DOCK7: variants seen among roughly 807,000 people sequenced by gnomAD.
The protein encoded by DOCK7 is dedicator of cytokinesis 7.
In DOCK7, 138 loss-of-function variants were observed where a neutral mutation model predicts 271.0. The observed-to-expected ratio is 0.51, with a 90% CI of 0.44 to 0.59. DOCK7 has a LOEUF of 0.59. Ranked by LOEUF, DOCK7 falls within the 20% of genes least tolerant of loss-of-function variation. DOCK7 has a pLI of 0.00. For missense variants in DOCK7, 2,066 were observed against 2,592.4 expected (o/e 0.80, Z 4.41); for synonymous variants, 823 against 876.1 (o/e 0.94, Z 1.07).
intron 31 of DOCK7, among the ~76,000 whole-genome samples, chr1:62,527,216 G>C (rs1234072273): frequency 6.6e-6 from 1 of 151,942 alleles, no homozygotes; most frequent in Non-Finnish European, 1.5e-5. Context: ...GCCTTTAAGA[G>C]GGGAAAAGTT....
intron 43 of DOCK7, chr1:62,485,608 CT>C (rs1161278473): frequency 3.0e-6 from 3 of 985,148 alleles, no homozygotes; most frequent in African/African-American, 1.7e-5. Context: ...AACAAAATTA[CT>C]GAAGTTTTCA....
chr1:62,470,084 AAAG>A (rs1366819517), intron 48 of DOCK7, among the ~76,000 whole-genome samples: 1 of 152,210 alleles, frequency 6.6e-6, no homozygotes, highest in Non-Finnish European at 1.5e-5. Context: ...AAATGGAAGA[AAAG>A]AAGTCATTTC....
intron 1 of DOCK7, among the ~76,000 whole-genome samples, chr1:62,665,217 C>G (rs1168106): frequency 0.98 from 149,771 of 152,120 alleles, 73,774 homozygotes; most frequent in Middle Eastern, 1. Flanking sequence ...TCGAACTCCT[C>G]ACCTCAGGTG....
intron 4 of DOCK7, 65 bp downstream of exon 4, chr1:62,653,660 C>A: frequency 9.6e-7 from 1 of 1,037,938 alleles, no homozygotes; most frequent in South Asian, 1.4e-5. Flanking sequence ...CATTACGAAT[C>A]TGCCTTAATC....
chr1:62,470,173 G>A (rs1395034755), intron 48 of DOCK7, among the ~76,000 whole-genome samples: 1 of 152,132 alleles, frequency 6.6e-6, no homozygotes, highest in African/African-American at 2.4e-5. Flanking sequence ...TGGCCCAAAT[G>A]CCCATTAATC....
At chr1:62,476,950 A>G (rs2149261517) in intron 44 of DOCK7, 1 of 152,342 alleles carries the variant, frequency 6.6e-6, no homozygotes, top group Admixed American at 6.5e-5. Flanking sequence ...AGAAATTAAC[A>G]TCAGTGAGAA....
At chr1:62,622,281 G>A (rs947786806) in intron 12 of DOCK7, among the ~76,000 whole-genome samples, 5 of 152,148 alleles carry the variant, frequency 3.3e-5, no homozygotes, top group Non-Finnish European at 5.9e-5. Flanking sequence ...CACTGGAGTA[G>A]TCTAGCTGAT....
chr1:62,520,462 G>T (rs1644812684), intron 31 of DOCK7, among the ~76,000 whole-genome samples: 1 of 96,368 alleles, frequency 1.0e-5, no homozygotes, highest in African/African-American at 4.4e-5. Flanking sequence ...CTTCTCAAAA[G>T]AAGACATTTA....
chr1:62,577,311 G>T lies in DOCK7; in HGVS notation c.2063C>A (p.Pro688Gln). Residue 688 changes from proline (P) to glutamine (Q), a missense_variant, in exon 18 of 50, where the codon CCA becomes CAA. By Grantham distance (76) the Pro-to-Gln change is moderately conservative. Coordinates refer to ENST00000635253, the MANE Select transcript of DOCK7 (RefSeq NM_001367561.1). ...CTGTGGTGGTTTTTCCAATGAGACT[G>T]GCAAGCAAAACTGGCCAGTCTTCAA... ...GRLKTGQFCL[P>Q]VSLEKPPQAY... is the part of the protein sequence containing the mutation. 1 of 1,592,134 alleles carries T rather than the reference G, an allele frequency of 6.3e-7. No homozygotes were observed. The highest frequency in any genetic ancestry group is 1.2e-5 in the South Asian group (1 of 85,820).
At position 62,561,586 on chromosome 1, in the gene DOCK7, A is replaced by G. The variant is rs182008693; in HGVS notation, c.2199+31T>C. On this transcript the variant is annotated intron_variant, in intron 19 of 49. Transcript: ENST00000635253. The stretch of plus-strand genomic sequence containing the variant: ...ATATTACGTTCAATTTATTTAAGTG[A>G]AATTTGATAATAAAAATTATTAAAA... The G allele has an allele frequency of 2.3e-3, 3,225 of 1,383,340 alleles. 4 individuals are homozygous for G. The highest frequency in any genetic ancestry group is 2.7e-3 in the Non-Finnish European group (2,820 of 1,031,782). The allele number at this position is 1,383,340 out of a possible 1,614,324, so 85.7% of individuals were successfully genotyped here.
intron 7 of DOCK7, among the ~76,000 whole-genome samples, chr1:62,643,289 C>T (rs2149665571): frequency 1.3e-5 from 2 of 152,308 alleles, no homozygotes; most frequent in Middle Eastern, 6.8e-3. Flanking sequence ...ATGAGAAATA[C>T]TGAACATTTG....
intron 1 of DOCK7, among the ~76,000 whole-genome samples, chr1:62,682,506 A>G (rs1661283739): frequency 6.6e-6 from 1 of 152,224 alleles, no homozygotes; most frequent in South Asian, 2.1e-4. Context: ...AAAGCAGTAT[A>G]AAAACAGGGA....
intron 19 of DOCK7, among the ~76,000 whole-genome samples, chr1:62,560,423 C>T (rs1646285405): frequency 6.6e-6 from 1 of 152,144 alleles, no homozygotes; most frequent in Non-Finnish European, 1.5e-5. Flanking sequence ...AGGACATCTC[C>T]ATCTGAAGTA....
chr1:62,636,594 A>G lies in DOCK7; in HGVS notation c.828T>C (p.Ile276=). 6.3e-7 allele frequency: 1 copy of G among 1,599,710 alleles called. No individual in the cohort carries two copies. Among genetic ancestry groups the G allele is most frequent in the South Asian group, 1.1e-5 (1 of 88,896 alleles). ...AACTTGCAAAAATGGGTTCAATTTC[A>G]ATTTCAAACCTTTATGAAGAAAAAG... The part of the protein sequence containing the change: ...LVKCLSLKFE[I]EIEPIFASLA... Residue 276 remains isoleucine (I), a synonymous_variant, in exon 8 of 50, where the codon ATT becomes ATC. Transcript: ENST00000635253.
At chr1:62,679,020 T>C (rs193067041) in intron 1 of DOCK7, among the ~76,000 whole-genome samples, 77 of 152,316 alleles carry the variant, frequency 5.1e-4, no homozygotes, top group African/African-American at 1.5e-3. Flanking sequence ...ATATGCATAC[T>C]ATGTACCCAC....
chr1:62,553,411 T>C (rs549295716), intron 21 of DOCK7, among the ~76,000 whole-genome samples: 4 of 87,106 alleles, frequency 4.6e-5, no homozygotes, highest in South Asian at 3.8e-4. Flanking sequence ...TTTTTTTTTT[T>C]ATTAAGAGGC....
chr1:62,602,099 T>G (rs1016095138), intron 14 of DOCK7, among the ~76,000 whole-genome samples: 1 of 151,724 alleles, frequency 6.6e-6, no homozygotes, highest in Non-Finnish European at 1.5e-5. Flanking sequence ...AAGTTTACTA[T>G]GCCAAAATTC....
At chr1:62,598,937 C>T (rs1294131857) in intron 14 of DOCK7, 4 of 664,724 alleles carry the variant, frequency 6.0e-6, no homozygotes, top group East Asian at 2.8e-5. Context: ...GTTAAAATTG[C>T]AGGCTCTGAA....
intron 18 of DOCK7, among the ~76,000 whole-genome samples, chr1:62,563,264 C>G (rs1646392303): frequency 6.6e-6 from 1 of 152,152 alleles, no homozygotes; most frequent in Non-Finnish European, 1.5e-5. Context: ...GCACCTCCAG[C>G]CCCCACTGCT....
Sources: gnomAD v4.1 joint callset for allele counts (sites outside exome capture counted in the v4.1 genomes callset) on GRCh38, gnomAD v4.1.1 for gene constraint, MANE v1.5 for transcripts, NCBI Gene and HGNC (gene_info 2026-07-23, HGNC 2026-07-21) for gene names.